The following STK32B variants were observed in gnomAD, a reference collection of about 807,000 sequenced individuals.
STK32B encodes serine/threonine kinase 32B.
In STK32B, 43 loss-of-function variants were observed where a neutral mutation model predicts 52.6. The ratio of observed to expected loss-of-function variants is 0.82; its 90% CI spans 0.64 to 1.05. The LOEUF is 1.05. STK32B is among the 50% of genes least tolerant of loss of function. The pLI is 0.00. For synonymous variants in STK32B, 238 were observed against 204.3 expected (o/e 1.17, Z -1.41); for missense variants, 621 against 534.6 (o/e 1.16, Z -1.59).
chr4:5,347,851 A>T (rs1326940519), intron 4 of STK32B, among the ~76,000 whole-genome samples: 1 of 152,168 alleles, frequency 6.6e-6, no homozygotes, highest in East Asian at 1.9e-4. Context: ...TTCCACCATG[A>T]TTGTAAGTTT....
intron 1 of STK32B, among the ~76,000 whole-genome samples, chr4:5,129,755 G>A (rs1040639856): frequency 2.0e-5 from 3 of 152,100 alleles, no homozygotes; most frequent in Non-Finnish European, 2.9e-5. Context: ...CAATGACTAT[G>A]GTGAGATACT....
rs1280733879 is a variant in STK32B, at chr4:5,470,355, T to C, written c.1106+2285T>C. ...GATTGGAAGTGAGGCTGGCATAGTT[T>C]ACCGGAGTCAGCAAAATAAAGAAAG... On this transcript the variant is annotated intron_variant, in intron 11 of 11. Transcript: ENST00000282908. The surrounding 1 kb of genome is among the most constrained non-coding windows in gnomAD (Gnocchi z 4.6). Among the ~76,000 whole-genome samples, 2 of 152,182 alleles carry C rather than the reference T, an allele frequency of 1.3e-5. No homozygotes were observed. Among genetic ancestry groups the C allele is most frequent in the African/African-American group, 4.8e-5 (2 of 41,432 alleles).
At chr4:5,448,218 G>GA (rs771035801) in intron 7 of STK32B, among the ~76,000 whole-genome samples, 6 of 152,158 alleles carry the variant, frequency 3.9e-5, no homozygotes, top group Non-Finnish European at 8.8e-5. Context: ...TGCATTCTTA[G>GA]AATTCAAAGA....
At chr4:5,047,603 TA>T (rs1257922069), upstream of STK32B, among the ~76,000 whole-genome samples, 2 of 152,192 alleles carry the variant, frequency 1.3e-5, no homozygotes, top group African/African-American at 4.8e-5. Context: ...CGTATATTTG[TA>T]AAGTATCAAC....
intron 3 of STK32B, among the ~76,000 whole-genome samples, chr4:5,238,717 T>A (rs567192064): frequency 5.3e-5 from 8 of 152,160 alleles, no homozygotes; most frequent in Non-Finnish European, 1.2e-4. Flanking sequence ...TCAGATCTGG[T>A]AGGTGGGCCG....
intron 11 of STK32B, among the ~76,000 whole-genome samples, chr4:5,475,756 T>TTA (rs1718191813): frequency 7.1e-6 from 1 of 141,512 alleles, no homozygotes; most frequent in African/African-American, 2.6e-5. Context: ...ATGTGGAAAA[T>TTA]AAAAAAAAAA....
At chr4:5,037,284 C>G in the STK32B span, among the ~76,000 whole-genome samples, 1 of 152,256 alleles carries the variant, frequency 6.6e-6, no homozygotes, top group East Asian at 1.9e-4. Flanking sequence ...TGGGCAACAG[C>G]AATATTTCTC....
At chr4:5,401,883 A>C (rs566917502) in intron 5 of STK32B, among the ~76,000 whole-genome samples, 122 of 152,316 alleles carry the variant, frequency 8.0e-4, no homozygotes, top group African/African-American at 2.7e-3. Context: ...GGCTTGGCTG[A>C]TCTTGGCTGG....
intron 1 of STK32B, among the ~76,000 whole-genome samples, chr4:5,114,708 C>G (rs1714618792): frequency 1.3e-5 from 2 of 152,190 alleles, no homozygotes; most frequent in Admixed American, 6.5e-5. Flanking sequence ...CTCCCGTCTT[C>G]CAATGAAAAG....
chr4:5,252,089 C>G (rs1467492274), intron 3 of STK32B, among the ~76,000 whole-genome samples: 1 of 152,206 alleles, frequency 6.6e-6, no homozygotes, highest in Non-Finnish European at 1.5e-5. Context: ...CAAGCAGCAA[C>G]AACCCCCCAT....
At chr4:5,192,098 C>T (rs776624274) in intron 3 of STK32B, among the ~76,000 whole-genome samples, 11 of 152,198 alleles carry the variant, frequency 7.2e-5, no homozygotes, top group Admixed American at 1.3e-4. Context: ...GATAAACGGC[C>T]GCCTGGGCTT....
intron 3 of STK32B, among the ~76,000 whole-genome samples, chr4:5,227,742 A>G (rs1382422612): frequency 6.6e-6 from 1 of 152,186 alleles, no homozygotes; most frequent in Non-Finnish European, 1.5e-5. Context: ...TGTACTTTCT[A>G]TTTTGTCAGA....
At position 5,292,191 on chromosome 4, in the gene STK32B, C is replaced by T. The variant is rs74603890; in HGVS notation, c.261-39029C>T. Among the ~76,000 whole-genome samples, 1,037 of 152,266 alleles carry T rather than the reference C, an allele frequency of 6.8e-3. 20 individuals carry two copies. The highest frequency in any genetic ancestry group is 0.017 in the Middle Eastern group (5 of 294). ...GAGATTGCTGGACCACACAGTAATT[C>T]TATTTTTAGCTCTTTGAAGAGTCTC... On this transcript the variant is annotated intron_variant, in intron 3 of 11. Coordinates refer to ENST00000282908, the MANE Select transcript of STK32B (RefSeq NM_018401.3).
intron 3 of STK32B, among the ~76,000 whole-genome samples, chr4:5,277,041 T>C (rs535137853): frequency 6.6e-6 from 1 of 152,394 alleles, no homozygotes; most frequent in East Asian, 1.9e-4. Context: ...TGAACTTTTA[T>C]CTTATGGAGT....
intron 1 of STK32B, among the ~76,000 whole-genome samples, chr4:5,055,834 TA>T (rs2108754038): frequency 6.6e-6 from 1 of 151,930 alleles, no homozygotes; most frequent in African/African-American, 2.4e-5. Flanking sequence ...CCACCCTACT[TA>T]AAATGTCATT....
chr4:5,211,861 G>T (rs73208983), intron 3 of STK32B, among the ~76,000 whole-genome samples: 35,331 of 152,124 alleles, frequency 0.23, 5,167 homozygotes, highest in Non-Finnish European at 0.33. Flanking sequence ...AAGTCTCTCT[G>T]ATTTTGTTTT....
intron 1 of STK32B, among the ~76,000 whole-genome samples, chr4:5,060,293 GTTTATTGACATAACATTATTCA>G (rs2108757552): frequency 6.6e-6 from 1 of 152,256 alleles, no homozygotes; most frequent in Non-Finnish European, 1.5e-5. Context: ...TAAGTTTCAA[GTTTATTGACATAACATTATTCA>G]TATCCTCTTA....
chr4:5,147,152 C>T (rs1716974726), intron 2 of STK32B, among the ~76,000 whole-genome samples: 1 of 151,656 alleles, frequency 6.6e-6, no homozygotes, highest in Non-Finnish European at 1.5e-5. Context: ...ATGTTTTTCC[C>T]AAATAGTTGA....
At chr4:5,313,911 A>G (rs1730481691) in intron 3 of STK32B, among the ~76,000 whole-genome samples, 1 of 152,228 alleles carries the variant, frequency 6.6e-6, no homozygotes, top group African/African-American at 2.4e-5. Context: ...TGAAAATCAT[A>G]AAATGCTGAT....
Sources: allele counts gnomAD v4.1 joint callset (sites outside exome capture counted in the v4.1 genomes callset), GRCh38; gene constraint gnomAD v4.1.1; non-coding constraint Gnocchi (gnomAD v3.1); transcripts MANE v1.5; gene names NCBI Gene and HGNC (gene_info 2026-07-23, HGNC 2026-07-21).